The following UBE2E3 variants were observed in gnomAD, a reference collection of about 807,000 sequenced individuals.
UBE2E3 encodes ubiquitin-conjugating enzyme E2 E3.
UBE2E3 carries 5 observed loss-of-function variants against 23.6 expected under a neutral mutation model. The ratio of observed to expected loss-of-function variants is 0.21; its 90% CI spans 0.11 to 0.44. UBE2E3 has a LOEUF of 0.44. UBE2E3 is among the 20% of genes least tolerant of loss of function. The probability of loss-of-function intolerance (pLI) is 0.99; values close to 1 mark genes in which losing one functional copy is unlikely to be tolerated. For missense variants in UBE2E3, 81 were observed against 249.8 expected, an observed-to-expected ratio of 0.32 and a Z score of 4.55; for synonymous variants, 78 against 87.5, an observed-to-expected ratio of 0.89 and a Z score of 0.60.
chr2:181,010,709 C>T (rs1389034484), intron 3 of UBE2E3, among the ~76,000 whole-genome samples: 1 of 152,032 alleles, frequency 6.6e-6, no homozygotes, highest in Non-Finnish European at 1.5e-5. Context: ...CTAAAACAGC[C>T]TGTGACTGAT....
chr2:181,019,259 C>G (rs1391409548), intron 3 of UBE2E3, among the ~76,000 whole-genome samples: 2 of 152,196 alleles, frequency 1.3e-5, no homozygotes, highest in Non-Finnish European at 2.9e-5. Context: ...CGCACCCGGC[C>G]TAGCTCTAAA....
chr2:181,012,478 C>T (rs955934167), intron 3 of UBE2E3, among the ~76,000 whole-genome samples: 1 of 152,110 alleles, frequency 6.6e-6, no homozygotes, highest in Non-Finnish European at 1.5e-5. Flanking sequence ...CACACACATA[C>T]ATGAGGTCGC....
chr2:181,051,683 A>G (rs1195176476), intron 3 of UBE2E3, among the ~76,000 whole-genome samples: 1 of 151,918 alleles, frequency 6.6e-6, no homozygotes, highest in Non-Finnish European at 1.5e-5. Context: ...AATTTTCAAT[A>G]TTATGCATTT....
At chr2:181,021,774 A>G (rs1480118231) in intron 3 of UBE2E3, among the ~76,000 whole-genome samples, 1 of 151,420 alleles carries the variant, frequency 6.6e-6, no homozygotes, top group Non-Finnish European at 1.5e-5. Context: ...GGATTTCTTA[A>G]TACTTTTGCA....
intron 3 of UBE2E3, among the ~76,000 whole-genome samples, chr2:181,035,251 A>G (rs1686231777): frequency 6.6e-6 from 1 of 152,200 alleles, no homozygotes; most frequent in African/African-American, 2.4e-5. Context: ...TATGATTTGC[A>G]TGATGTAAGG....
At chr2:180,987,285 A>G (rs774574122) in intron 3 of UBE2E3, 2 of 1,536,586 alleles carry the variant, frequency 1.3e-6, no homozygotes, top group Non-Finnish European at 1.8e-6. Flanking sequence ...ATTGTTGACT[A>G]GAATTGTTTA....
intron 3 of UBE2E3, among the ~76,000 whole-genome samples, chr2:181,020,828 T>C (rs879256965): frequency 5.3e-5 from 8 of 152,234 alleles, no homozygotes; most frequent in Admixed American, 5.2e-4. Flanking sequence ...CCTCATTATA[T>C]CTGGATTTCC....
intron 3 of UBE2E3, among the ~76,000 whole-genome samples, chr2:181,053,287 T>C (rs1012047000): frequency 6.6e-6 from 1 of 151,792 alleles, no homozygotes; most frequent in African/African-American, 2.4e-5. Flanking sequence ...ACTGCAGATA[T>C]ACAGTACCTT....
intron 3 of UBE2E3, among the ~76,000 whole-genome samples, chr2:181,051,060 A>G (rs1345772790): frequency 6.6e-6 from 1 of 151,798 alleles, no homozygotes; most frequent in Non-Finnish European, 1.5e-5. Flanking sequence ...CTTCCGGCCC[A>G]GAGGCAATAA....
At chr2:181,059,794 C>G (rs1687090160) in intron 4 of UBE2E3, among the ~76,000 whole-genome samples, 1 of 151,672 alleles carries the variant, frequency 6.6e-6, no homozygotes, top group African/African-American at 2.4e-5. Flanking sequence ...CCTACCCCCT[C>G]CCTGTCATGC....
At chr2:181,060,312 CTTT>C (rs1264703654) in intron 4 of UBE2E3, among the ~76,000 whole-genome samples, 4 of 151,638 alleles carry the variant, frequency 2.6e-5, no homozygotes, top group African/African-American at 7.3e-5. Context: ...CAAAACATTT[CTTT>C]TCTTCCTCAC....
chr2:181,024,043 T>C (rs1233463650), intron 3 of UBE2E3, among the ~76,000 whole-genome samples: 1 of 152,158 alleles, frequency 6.6e-6, no homozygotes, highest in East Asian at 1.9e-4. Context: ...TGTTTGTTAC[T>C]AATATGGTTA....
chr2:180,984,167 T>C (rs1474791136), intron 3 of UBE2E3, 74 bp downstream of exon 3: 2 of 1,353,666 alleles, frequency 1.5e-6, no homozygotes, highest in Non-Finnish European at 2.1e-6. Context: ...TGTCTGGATA[T>C]GTGTGCAGCA....
chr2:181,017,604 A>G (rs983927372), intron 3 of UBE2E3, among the ~76,000 whole-genome samples: 2 of 151,460 alleles, frequency 1.3e-5, no homozygotes, highest in Non-Finnish European at 2.9e-5. Flanking sequence ...AGCTTTTTCT[A>G]GACTGGATTC....
chr2:181,030,148 A>T (rs112844162), intron 3 of UBE2E3, among the ~76,000 whole-genome samples: 1,665 of 151,864 alleles, frequency 0.011, 25 homozygotes, highest in African/African-American at 0.038. Context: ...TTTTTCCATG[A>T]AAGTATTTTG....
In UBE2E3 at chr2:180,983,923, CATTACT is replaced by C. The variant is rs1164744841; in HGVS notation, c.195-119_195-114del. 5 of 668,720 alleles carry C rather than the reference CATTACT, an allele frequency of 7.5e-6. No individual in the cohort carries two copies. The East Asian group carries it at 1.1e-4, about 15-fold the overall frequency. The allele number at this position is 668,720 out of a possible 1,614,324, so 41.4% of individuals were successfully genotyped here. On this transcript the variant is annotated intron_variant, in intron 2 of 5. Transcript: ENST00000410062. ...AACAAAGAGGAAGCAGCCATGTTAG[CATTACT>C]GAAGGCAGAGCCAGCCTTGCATTTA...
At chr2:181,034,157 C>T (rs1686183437) in intron 3 of UBE2E3, among the ~76,000 whole-genome samples, 1 of 152,176 alleles carries the variant, frequency 6.6e-6, no homozygotes, top group Non-Finnish European at 1.5e-5. Flanking sequence ...TACCATTTGA[C>T]CCACCAATCC....
intron 3 of UBE2E3, among the ~76,000 whole-genome samples, chr2:181,016,198 G>A (rs1020332260): frequency 2.7e-4 from 41 of 152,038 alleles, no homozygotes; most frequent in African/African-American, 9.7e-4. Flanking sequence ...GCCTGGGCAA[G>A]ACACTAACCT....
chr2:181,014,637 C>A (rs1037103051), intron 3 of UBE2E3, among the ~76,000 whole-genome samples: 4 of 151,960 alleles, frequency 2.6e-5, no homozygotes, highest in Non-Finnish European at 5.9e-5. Context: ...CATAGGTGTG[C>A]CAGGTAAGTT....
Sources: gnomAD v4.1 joint callset for allele counts (sites outside exome capture counted in the v4.1 genomes callset) on GRCh38, gnomAD v4.1.1 for gene constraint, MANE v1.5 for transcripts, NCBI Gene and HGNC (gene_info 2026-07-23, HGNC 2026-07-21) for gene names.